HTR3C: variants seen among roughly 807,000 people sequenced by gnomAD.
The protein encoded by HTR3C is 5-hydroxytryptamine receptor 3C, also known as 5-HT3-C.
HTR3C carries 32 observed loss-of-function variants against 40.5 expected under a neutral mutation model. The ratio of observed to expected loss-of-function variants is 0.79; its 90% confidence interval spans 0.60 to 1.06. HTR3C has a LOEUF of 1.06. Among genes scored for constraint, HTR3C ranks in the 50% least tolerant of loss-of-function variants. The pLI is 0.00. For synonymous variants in HTR3C, 209 were observed against 217.1 expected, an observed-to-expected ratio of 0.96 and a Z score of 0.33; for missense variants, 523 against 556.8, an observed-to-expected ratio of 0.94 and a Z score of 0.61.
Position 184,054,796 on chromosome 3 carries a change from TG to T in HTR3C, c.144del (p.Phe49LeufsTer37). On this transcript the variant is annotated frameshift_variant, in exon 2 of 9. Transcript: ENST00000318351. LOFTEE classifies it high-confidence loss of function. ...GTTGACCCTGCTGTCTTCCAAGCAG[TG>T]TTTGACAGAAAGGCCTTCCGTCCAT... ...HGVDPAVFQAVFDRKAFRPFT... is the reference protein window; with the variant it reads ...HGVDPAVFQAXFDRKAFRPFT... 1 of 1,613,978 alleles carries T rather than the reference TG, an allele frequency of 6.2e-7. No individual in the cohort carries two copies. The highest frequency in any genetic ancestry group is 1.1e-5 in the South Asian group (1 of 91,072).
chr3:184,057,104 G>A, intron 5 of HTR3C, 60 bp downstream of exon 5: 1 of 1,308,738 alleles, frequency 7.6e-7, no homozygotes, highest in Non-Finnish European at 1.1e-6. Flanking sequence ...GAGTGGTGTA[G>A]GTATCATTAG....
In HTR3C at chr3:184,059,606, T is replaced by C. The variant is rs745914365; in HGVS notation, c.891T>C (p.Asn297=). The change falls in exon 7 of 9, where the codon AAT becomes AAC. Residue 297 remains asparagine (N), a synonymous_variant. Transcript: ENST00000318351. ...LGYNVFLLMM[N]DLLPASGTPL... ...ACAACGTCTTCCTGCTCATGATGAATGACTTGCTCCCTGCCAGTGGCACCC... is the reference window on the plus strand; with the variant it reads ...ACAACGTCTTCCTGCTCATGATGAACGACTTGCTCCCTGCCAGTGGCACCC... 2 of 1,614,116 alleles carry C rather than the reference T, an allele frequency of 1.2e-6. No homozygotes were observed. Among genetic ancestry groups the C allele is most frequent in the Non-Finnish European group, 1.7e-6 (2 of 1,180,024 alleles).
rs1320576863 is a variant in HTR3C at position 184,059,633 on chromosome 3, C to T, written c.918C>T (p.Pro306=). The T allele has an allele frequency of 1.2e-6, 2 of 1,614,148 alleles. No homozygotes were observed. ...ACTTGCTCCCTGCCAGTGGCACCCC[C>T]CTCATCAGTATGGCTCCTCCCACTT... ...MNDLLPASGT[P]LISVYFALCL... The change falls in exon 7 of 9, where the codon CCC becomes CCT. Residue 306 remains proline (P), a synonymous_variant. Coordinates refer to ENST00000318351, the MANE Select transcript of HTR3C (RefSeq NM_130770.3).
chr3:184,055,425 T>C, intron 3 of HTR3C, 69 bp downstream of exon 3: 1 of 1,186,464 alleles, frequency 8.4e-7, no homozygotes, highest in Non-Finnish European at 1.3e-6. Context: ...TAGAAGTGAC[T>C]TAAAGGGGCC....
intron 2 of HTR3C, 70 bp downstream of exon 2, chr3:184,054,957 C>T (rs1051514492): frequency 2.7e-6 from 4 of 1,458,432 alleles, no homozygotes; most frequent in Non-Finnish European, 3.7e-6. Flanking sequence ...CCTGTCAACC[C>T]AACATGGCCC....
At chr3:184,053,976 A>C (rs1723273982) in intron 1 of HTR3C, among the ~76,000 whole-genome samples, 1 of 151,996 alleles carries the variant, frequency 6.6e-6, no homozygotes, top group African/African-American at 2.4e-5. Context: ...GATGGTCTCG[A>C]TCTCTCGACC....
chr3:184,053,177 G>C, intron 1 of HTR3C, 30 bp downstream of exon 1: 2 of 1,584,108 alleles, frequency 1.3e-6, no homozygotes, highest in Non-Finnish European at 1.7e-6. Context: ...GGGAAGACCA[G>C]AGTGTGGTTC....
At chr3:184,054,950 G>C in intron 2 of HTR3C, 63 bp downstream of exon 2, 1 of 1,505,740 alleles carries the variant, frequency 6.6e-7, no homozygotes, top group Non-Finnish European at 9.0e-7. Flanking sequence ...CCTCTGCCCT[G>C]TCAACCCAAC....
chr3:184,056,184 A>T lies in HTR3C; in HGVS notation c.287A>T (p.Asp96Val). 1 of 1,610,834 alleles carries T rather than the reference A, an allele frequency of 6.2e-7. No individual in the cohort carries two copies. The highest frequency in any genetic ancestry group is 8.5e-7 in the Non-Finnish European group (1 of 1,176,998). Residue 96 changes from aspartate (D) to valine (V), a missense_variant, in exon 4 of 9, where the codon GAC becomes GTC. By Grantham distance (152) the Asp-to-Val change is radical. Coordinates refer to ENST00000318351, the MANE Select transcript of HTR3C (RefSeq NM_130770.3). ...CTCACTGCCCTGATGCAGGTATGGG[A>T]CAATCCTTTCATTAATTGGAACCCA... is the stretch of plus-strand genomic sequence containing the variant. ...TSFLWMDLVW[D>V]NPFINWNPKE...
At position 184,060,295 on chromosome 3, in the gene HTR3C, C is replaced by G. The variant is rs537916087; in HGVS notation, c.1287C>G (p.Leu429=). 3.0e-5 allele frequency: 49 copies of G among 1,614,198 alleles called. No individual in the cohort carries two copies. The East Asian group carries it at 1.0e-3, about 35-fold the overall frequency. ...CGATGGACACCCTGCTCTTCCGCCT[C>G]TACCTGCTCTTCATGGCCTCCTCCA... ...SHAMDTLLFR[L]YLLFMASSIL... The change falls in exon 9 of 9, where the codon CTC becomes CTG. Residue 429 remains leucine, a synonymous_variant. Transcript: ENST00000318351.
chr3:184,055,884 CAAAAA>C (rs71185686), intron 3 of HTR3C, among the ~76,000 whole-genome samples: 14 of 30,708 alleles, frequency 4.6e-4, no homozygotes, highest in East Asian at 1.3e-3. Context: ...AATAGCAACT[CAAAAA>C]AAAAAAAAAA....
chr3:184,059,839 GC>G lies in HTR3C; in HGVS notation c.940del (p.Leu314CysfsTer5). 2 of 1,613,918 alleles carry G rather than the reference GC, an allele frequency of 1.2e-6. No individual in the cohort carries two copies. Among genetic ancestry groups the G allele is most frequent in the Non-Finnish European group, 1.7e-6 (2 of 1,179,962 alleles). On this transcript the variant is annotated frameshift_variant, in exon 8 of 9. Transcript: ENST00000318351. LOFTEE classifies it high-confidence loss of function. Reference sequence around the variant, plus strand: ...TGCTCTGCCCTCAGGTGTCTACTTCGCCCTGTGCCTGTCCCTGATGGTGGTC... The same window carrying G: ...TGCTCTGCCCTCAGGTGTCTACTTCGCCTGTGCCTGTCCCTGATGGTGGTC... ...SGTPLISVYF[A>X]LCLSLMVVSL... is the part of the protein sequence containing the mutation.
rs148543872 is a variant in HTR3C, at chr3:184,056,276, A to G, written c.379A>G (p.Ile127Val). ...AENLWLPDIF[I>V]VESMDVDQTP... is the part of the protein sequence containing the mutation. ...AAACCTGTGGCTCCCAGACATCTTC[A>G]TCGTGGAATCGTGCGTATGCAGGCT... Residue 127 changes from isoleucine to valine, a missense_variant, in exon 4 of 9, where the codon ATC becomes GTC. Transcript: ENST00000318351. 3.1e-6 allele frequency: 5 copies of G among 1,609,406 alleles called. No homozygotes were observed. The highest frequency in any genetic ancestry group is 4.5e-5 in the East Asian group (2 of 44,860).
chr3:184,059,265 G>T (rs1723391871), intron 6 of HTR3C, among the ~76,000 whole-genome samples, 171 bp from the exon 7 acceptor site: 2 of 152,110 alleles, frequency 1.3e-5, no homozygotes, highest in South Asian at 4.1e-4. Context: ...ATAAAAATTA[G>T]ACAACAAATC....
chr3:184,060,536 CGCTGCTCAG>C lies in HTR3C; in HGVS notation c.*193_*201del. On this transcript the variant is annotated 3_prime_UTR_variant, in exon 9 of 9. Transcript: ENST00000318351. ...GGACAGCCCTGGACGATTTCCCGAC[CGCTGCTCAG>C]GCTGCTCATTCCTGCTCACCCTCAG... 1.4e-6 allele frequency: 1 copy of C among 712,470 alleles called. No individual in the cohort carries two copies. The highest frequency in any genetic ancestry group is 1.8e-5 in the South Asian group (1 of 55,514). The allele number at this position is 712,470 out of a possible 1,614,324, so 44.1% of individuals were successfully genotyped here. A position where few individuals can be genotyped will look rare whatever the true frequency, so the allele number is the denominator to read the frequency against.
In HTR3C at chr3:184,059,843, T is replaced by C; in HGVS notation, c.941T>C (p.Leu314Pro). ...GTPLISVYFA[L>P]CLSLMVVSLL... ...CTGCCCTCAGGTGTCTACTTCGCCCTGTGCCTGTCCCTGATGGTGGTCAGC... is the reference window on the plus strand; with the variant it reads ...CTGCCCTCAGGTGTCTACTTCGCCCCGTGCCTGTCCCTGATGGTGGTCAGC... The change falls in exon 8 of 9, where the codon CTG becomes CCG. Residue 314 changes from leucine to proline, a missense_variant. Transcript: ENST00000318351. 1 of 1,614,050 alleles carries C rather than the reference T, an allele frequency of 6.2e-7. No homozygotes were observed. Among genetic ancestry groups the C allele is most frequent in the Non-Finnish European group, 8.5e-7 (1 of 1,179,998 alleles).
intron 1 of HTR3C, among the ~76,000 whole-genome samples, chr3:184,054,304 T>G (rs75568366): frequency 1.6e-3 from 239 of 152,246 alleles, no homozygotes; most frequent in African/African-American, 5.5e-3. Context: ...AGACTTAAGA[T>G]CCTAAGAGTT....
rs895113406 is a variant in HTR3C at position 184,058,717 on chromosome 3, T to C, written c.720+130T>C. The C allele has an allele frequency of 5.7e-5, 57 of 1,008,732 alleles. No individual in the cohort carries two copies. In the African/African-American group the frequency reaches 8.8e-4, roughly 16 times the overall value. The allele number at this position is 1,008,732 out of a possible 1,614,324, so 62.5% of individuals were successfully genotyped here. A position where few individuals can be genotyped will look rare whatever the true frequency, so the allele number is the denominator to read the frequency against. ...CAGTGGCTCACACCTGTAATCCCAG[T>C]ACTTTGGGAGGCCGAGGGAGGCGGA... On this transcript the variant is annotated intron_variant, in intron 6 of 8. Coordinates refer to ENST00000318351, the MANE Select transcript of HTR3C (RefSeq NM_130770.3).
rs757199827 is a variant in HTR3C, at chr3:184,056,223, G to A, written c.326G>A (p.Gly109Asp). The A allele has an allele frequency of 1.9e-6, 3 of 1,613,964 alleles. No individual in the cohort carries two copies. The highest frequency in any genetic ancestry group is 3.3e-5 in the Admixed American group (2 of 60,006). Residue 109 changes from glycine (G) to aspartate (D), a missense_variant, in exon 4 of 9, where the codon GGC becomes GAC. Transcript: ENST00000318351. Reference protein sequence around the residue: ...FINWNPKECVGINKLTVLAEN... With the variant: ...FINWNPKECVDINKLTVLAEN... Reference sequence around the variant, plus strand: ...AATTGGAACCCAAAAGAGTGTGTTGGCATCAATAAACTCACAGTATTAGCT... The same window carrying A: ...AATTGGAACCCAAAAGAGTGTGTTGACATCAATAAACTCACAGTATTAGCT...
Sources: gnomAD v4.1 joint callset for allele counts (sites outside exome capture counted in the v4.1 genomes callset) on GRCh38, gnomAD v4.1.1 for gene constraint, MANE v1.5 for transcripts, NCBI Gene and HGNC (gene_info 2026-07-23, HGNC 2026-07-21) for gene names.